Variants in GNA12 observed in about 807,000 individuals in gnomAD.
GNA12 encodes the protein guanine nucleotide-binding protein subunit alpha-12.
A neutral mutation model predicts 26.0 loss-of-function variants in GNA12; 9 were observed. The observed-to-expected ratio is 0.35, with a 90% CI of 0.21 to 0.60. The LOEUF is 0.60. GNA12 is among the 20% of genes least tolerant of loss of function. GNA12 has a pLI of 0.78. For synonymous variants in GNA12, 264 were observed against 219.6 expected (o/e 1.20, Z -1.79); for missense variants, 405 against 525.8 (o/e 0.77, Z 2.25).
At chr7:2,749,905 T>C (rs1016391609) in intron 2 of GNA12, among the ~76,000 whole-genome samples, 1 of 152,144 alleles carries the variant, frequency 6.6e-6, no homozygotes, top group Non-Finnish European at 1.5e-5. Flanking sequence ...GCAGGCATCT[T>C]TGGGGCAATT....
chr7:2,795,365 G>A (rs1792633238), intron 1 of GNA12, among the ~76,000 whole-genome samples: 1 of 152,128 alleles, frequency 6.6e-6, no homozygotes, highest in South Asian at 2.1e-4. Context: ...GAGAGCAGTG[G>A]CTCACACTGT....
intron 1 of GNA12, among the ~76,000 whole-genome samples, chr7:2,808,252 A>G (rs2115477474): frequency 6.6e-6 from 1 of 152,342 alleles, no homozygotes; most frequent in Non-Finnish European, 1.5e-5. Flanking sequence ...GAGTAGTGCT[A>G]CCCGACACCC....
At chr7:2,738,979 C>A (rs930945241) in intron 2 of GNA12, among the ~76,000 whole-genome samples, 1 of 152,122 alleles carries the variant, frequency 6.6e-6, no homozygotes, top group Admixed American at 6.5e-5. Context: ...ACACAGCCAC[C>A]CCTTGGTCAC....
intron 2 of GNA12, among the ~76,000 whole-genome samples, chr7:2,792,019 T>A (rs571588528): frequency 6.6e-6 from 1 of 152,164 alleles, no homozygotes; most frequent in Non-Finnish European, 1.5e-5. Context: ...ATATTTTCTG[T>A]ATCTTCACAA....
chr7:2,793,187 G>A (rs1347202112), intron 2 of GNA12, among the ~76,000 whole-genome samples: 1 of 152,166 alleles, frequency 6.6e-6, no homozygotes, highest in African/African-American at 2.4e-5. Flanking sequence ...GAAAGGCAAG[G>A]AAAGATCAAG....
Position 2,834,959 on chromosome 7 carries a change from C to T in GNA12, c.309+8894G>A, listed in dbSNP as rs114764692. Reference sequence around the variant, plus strand: ...CGTTAAGCAATGCGTGACTATGCATCGCGATGCATGACTATACATTGCGAT... The same window carrying T: ...CGTTAAGCAATGCGTGACTATGCATTGCGATGCATGACTATACATTGCGAT... On this transcript the variant is annotated intron_variant, in intron 1 of 3. Coordinates refer to ENST00000275364, the MANE Select transcript of GNA12 (RefSeq NM_007353.3). 2.8e-3 allele frequency among the ~76,000 whole-genome samples: 425 copies of T among 152,220 alleles called. 4 individuals are homozygous for T. The highest frequency in any genetic ancestry group is 0.01 in the Middle Eastern group (3 of 294).
chr7:2,816,125 C>T (rs374691229), intron 1 of GNA12, among the ~76,000 whole-genome samples: 2 of 152,202 alleles, frequency 1.3e-5, no homozygotes, highest in African/African-American at 2.4e-5. Context: ...AACCTGAATA[C>T]GCATTCACAG....
intron 1 of GNA12, among the ~76,000 whole-genome samples, chr7:2,831,886 G>A (rs1778685685): frequency 1.3e-5 from 2 of 152,154 alleles, no homozygotes; most frequent in Admixed American, 1.3e-4. Context: ...ACCTGTAATG[G>A]AAACCGGAAG....
At chr7:2,756,021 AAAG>A (rs1437028897) in intron 2 of GNA12, among the ~76,000 whole-genome samples, 3 of 152,240 alleles carry the variant, frequency 2.0e-5, no homozygotes, top group Non-Finnish European at 4.4e-5. Context: ...ACCATTTTAT[AAAG>A]AAGAACAACG....
chr7:2,843,086 A>G (rs1329217746), intron 1 of GNA12, among the ~76,000 whole-genome samples: 2 of 152,228 alleles, frequency 1.3e-5, no homozygotes, highest in African/African-American at 4.8e-5. Flanking sequence ...CAGCCTGGGC[A>G]AGAGAGTGAG....
intron 1 of GNA12, chr7:2,815,172 C>T (rs755692091): frequency 1.9e-5 from 10 of 526,952 alleles, no homozygotes; most frequent in Admixed American, 3.4e-5. Flanking sequence ...ACAGGAACAT[C>T]GGCGAGGTGC....
intron 1 of GNA12, among the ~76,000 whole-genome samples, chr7:2,797,095 TC>T (rs941105746): frequency 6.6e-6 from 1 of 152,202 alleles, no homozygotes; most frequent in African/African-American, 2.4e-5. Flanking sequence ...GAGAGCAGCA[TC>T]CCATCCTCCA....
chr7:2,767,078 T>C (rs183596187), intron 2 of GNA12, among the ~76,000 whole-genome samples: 4 of 152,370 alleles, frequency 2.6e-5, no homozygotes, highest in Admixed American at 1.3e-4. Context: ...CATTTTTTAA[T>C]TGGGTTATTT....
At chr7:2,804,045 T>C (rs1337413828) in intron 1 of GNA12, among the ~76,000 whole-genome samples, 1 of 152,234 alleles carries the variant, frequency 6.6e-6, no homozygotes, top group Non-Finnish European at 1.5e-5. Flanking sequence ...ACTAAAAATT[T>C]CACTACATGA....
At chr7:2,832,837 C>G (rs1032238292) in intron 1 of GNA12, among the ~76,000 whole-genome samples, 2 of 152,194 alleles carry the variant, frequency 1.3e-5, no homozygotes, top group African/African-American at 4.8e-5. Flanking sequence ...CCTCCAGCAC[C>G]TTTCTAGCTG....
At chr7:2,829,900 C>T (rs1296981628) in intron 1 of GNA12, among the ~76,000 whole-genome samples, 1 of 152,164 alleles carries the variant, frequency 6.6e-6, no homozygotes, top group Non-Finnish European at 1.5e-5. Context: ...TGCTTTCAAT[C>T]CCTGTCTGAG....
intron 1 of GNA12, among the ~76,000 whole-genome samples, chr7:2,817,392 C>A (rs907330285): frequency 1.3e-5 from 2 of 152,180 alleles, no homozygotes; most frequent in Admixed American, 6.5e-5. Flanking sequence ...GGATTACAGG[C>A]ATGAGCCACC....
At chr7:2,815,597 C>A (rs1289380990) in intron 1 of GNA12, among the ~76,000 whole-genome samples, 1 of 152,230 alleles carries the variant, frequency 6.6e-6, no homozygotes, top group African/African-American at 2.4e-5. Flanking sequence ...TCAAACCAGC[C>A]AATCCTAAAC....
chr7:2,837,093 T>C (rs1778859481), intron 1 of GNA12, among the ~76,000 whole-genome samples: 1 of 152,030 alleles, frequency 6.6e-6, no homozygotes, highest in Non-Finnish European at 1.5e-5. Context: ...CAAGCAGGGA[T>C]CTCACCTCCC....
Sources: gnomAD v4.1 joint callset for allele counts (sites outside exome capture counted in the v4.1 genomes callset) on GRCh38, gnomAD v4.1.1 for gene constraint, MANE v1.5 for transcripts, NCBI Gene and HGNC (gene_info 2026-07-23, HGNC 2026-07-21) for gene names.